Variants in CNTN5 observed in about 807,000 individuals in gnomAD.
The protein encoded by CNTN5 is contactin-5.
CNTN5 carries 77 observed loss-of-function variants against 129.1 expected under a neutral mutation model. That is an observed-to-expected ratio of 0.60 (90% CI 0.50 to 0.72). The LOEUF is 0.72. Among genes scored for constraint, CNTN5 ranks in the 30% least tolerant of loss-of-function variants. The pLI, the probability that CNTN5 is intolerant of heterozygous loss-of-function variation, is 0.00. For synonymous variants in CNTN5, 509 were observed against 465.6 expected (o/e 1.09, Z -1.20); for missense variants, 1,478 against 1,328.8 (o/e 1.11, Z -1.75).
At chr11:99,890,893 T>C (rs560683455) in intron 6 of CNTN5, among the ~76,000 whole-genome samples, 1 of 152,288 alleles carries the variant, frequency 6.6e-6, no homozygotes, top group African/African-American at 2.4e-5. Context: ...ACCTCTGTGA[T>C]CTTTCTCTCT....
rs142675435 is a variant in CNTN5 at position 99,773,671 on chromosome 11, ATAG to A, written c.56-45870_56-45868del. 9.6e-3 allele frequency among the ~76,000 whole-genome samples: 1,462 copies of A among 152,120 alleles called. 61 individuals carry two copies. The East Asian group carries it at 0.12, about 13-fold the overall frequency. ...TTAGCAATAATTTTTTAAAGTGATA[ATAG>A]TAATATTATATTTCTCATCAATATT... On this transcript the variant is annotated intron_variant, in intron 3 of 24. Coordinates refer to ENST00000524871, the MANE Select transcript of CNTN5 (RefSeq NM_014361.4).
intron 1 of CNTN5, among the ~76,000 whole-genome samples, chr11:99,288,582 A>C (rs1864040162): frequency 6.6e-6 from 1 of 151,930 alleles, no homozygotes; most frequent in South Asian, 2.1e-4. Flanking sequence ...CTTTTTAATC[A>C]CCATGGATGA....
chr11:99,504,120 G>T (rs1017968451), intron 2 of CNTN5, among the ~76,000 whole-genome samples: 3 of 152,144 alleles, frequency 2.0e-5, no homozygotes, highest in African/African-American at 7.2e-5. Context: ...CAGATTTAAG[G>T]TAATTTTAAT....
chr11:99,825,022 T>A (rs1334461137), intron 4 of CNTN5, among the ~76,000 whole-genome samples: 1 of 152,032 alleles, frequency 6.6e-6, no homozygotes, highest in Non-Finnish European at 1.5e-5. Flanking sequence ...GCCCTATCAA[T>A]CTGTTACTGT....
At chr11:99,406,167 T>C (rs1395751308) in intron 2 of CNTN5, among the ~76,000 whole-genome samples, 1 of 152,028 alleles carries the variant, frequency 6.6e-6, no homozygotes, top group Non-Finnish European at 1.5e-5. Flanking sequence ...ATTCACAATC[T>C]GGGCTTATTT....
chr11:100,055,678 T>A (rs1943189664), intron 9 of CNTN5, among the ~76,000 whole-genome samples: 1 of 151,648 alleles, frequency 6.6e-6, no homozygotes, highest in Non-Finnish European at 1.5e-5. Context: ...TCATTGTTAT[T>A]TTGTAAATTA....
intron 1 of CNTN5, among the ~76,000 whole-genome samples, chr11:99,100,151 TAA>T (rs1866653803): frequency 6.6e-6 from 1 of 152,194 alleles, no homozygotes; most frequent in South Asian, 2.1e-4. Context: ...ACAATATTTT[TAA>T]AGAGAGAGGA....
At chr11:99,523,755 T>A (rs918913718) in intron 2 of CNTN5, among the ~76,000 whole-genome samples, 1 of 151,924 alleles carries the variant, frequency 6.6e-6, no homozygotes, top group African/African-American at 2.4e-5. Flanking sequence ...TATCCTCGGT[T>A]CCCACACTCC....
At chr11:99,987,749 T>A (rs1475630242) in intron 8 of CNTN5, among the ~76,000 whole-genome samples, 1 of 152,100 alleles carries the variant, frequency 6.6e-6, no homozygotes, top group Non-Finnish European at 1.5e-5. Context: ...AATAAAATAT[T>A]GAGGAAAAGT....
intron 15 of CNTN5, among the ~76,000 whole-genome samples, chr11:100,217,680 C>T (rs1466640673): frequency 6.6e-6 from 1 of 152,142 alleles, no homozygotes. Flanking sequence ...GGATAATTCA[C>T]TGCAAGCAAA....
chr11:99,817,927 A>C (rs1331473135), intron 3 of CNTN5, among the ~76,000 whole-genome samples: 1 of 151,944 alleles, frequency 6.6e-6, no homozygotes, highest in African/African-American at 2.4e-5. Flanking sequence ...ATCTCTTAAC[A>C]CCTCCTGATG....
intron 7 of CNTN5, among the ~76,000 whole-genome samples, chr11:99,942,632 G>T (rs1445208190): frequency 1.3e-5 from 2 of 151,882 alleles, no homozygotes; most frequent in African/African-American, 4.8e-5. Flanking sequence ...TAGGTTTTAA[G>T]CCCCACATGC....
chr11:99,389,462 G>A (rs1186570591), intron 2 of CNTN5, among the ~76,000 whole-genome samples: 2 of 152,154 alleles, frequency 1.3e-5, no homozygotes, highest in African/African-American at 4.8e-5. Flanking sequence ...CTCAAAAGGA[G>A]CCTGTTCTAG....
rs150954311 is a variant in CNTN5 at position 100,185,767 on chromosome 11, G to T, written c.1581-5359G>T. Among the ~76,000 whole-genome samples the T allele has an allele frequency of 9.5e-4, 145 of 152,228 alleles. 1 individual carries two copies. Among genetic ancestry groups the T allele is most frequent in the Non-Finnish European group, 1.8e-3 (122 of 68,014 alleles). ...GAGGAAGAGAAACCTCTCTCTCTCT[G>T]CCACACATGTGCACTGAGGAAAGGC... On this transcript the variant is annotated intron_variant, in intron 13 of 24. Coordinates refer to ENST00000524871, the MANE Select transcript of CNTN5 (RefSeq NM_014361.4).
At chr11:99,692,918 G>T (rs936714315) in intron 3 of CNTN5, among the ~76,000 whole-genome samples, 1 of 152,026 alleles carries the variant, frequency 6.6e-6, no homozygotes, top group South Asian at 2.1e-4. Context: ...ATAATAGCTG[G>T]GAGAAAGGGT....
intron 3 of CNTN5, among the ~76,000 whole-genome samples, chr11:99,692,855 T>G (rs1393882716): frequency 6.6e-6 from 1 of 152,162 alleles, no homozygotes; most frequent in African/African-American, 2.4e-5. Flanking sequence ...TCCAAAAAAT[T>G]TATTGATATC....
intron 13 of CNTN5, among the ~76,000 whole-genome samples, chr11:100,129,932 A>T (rs183784470): frequency 3.3e-5 from 5 of 152,234 alleles, no homozygotes; most frequent in African/African-American, 7.2e-5. Flanking sequence ...GGTAAAAAAA[A>T]TCACCATCAC....
chr11:99,497,296 G>T (rs1946262277), intron 2 of CNTN5, among the ~76,000 whole-genome samples: 1 of 152,166 alleles, frequency 6.6e-6, no homozygotes, highest in African/African-American at 2.4e-5. Context: ...GGGAGAAATA[G>T]ATTGCTTTGA....
At chr11:99,608,354 G>T (rs370465909) in intron 3 of CNTN5, among the ~76,000 whole-genome samples, 1 of 152,108 alleles carries the variant, frequency 6.6e-6, no homozygotes, top group Non-Finnish European at 1.5e-5. Context: ...AAAACAGTAA[G>T]ATTAGACTAG....
Sources: gnomAD v4.1 joint callset for allele counts (sites outside exome capture counted in the v4.1 genomes callset) on GRCh38, gnomAD v4.1.1 for gene constraint, MANE v1.5 for transcripts, NCBI Gene and HGNC (gene_info 2026-07-23, HGNC 2026-07-21) for gene names.